The following NAV2 variants were observed in gnomAD, a reference collection of about 807,000 sequenced individuals.
NAV2 encodes the protein neuron navigator 2, also known as helicase, APC down-regulated 1.
In NAV2, 54 loss-of-function variants were observed where a neutral mutation model predicts 223.2. The observed-to-expected ratio is 0.24, with a 90% CI of 0.19 to 0.30. The LOEUF is 0.30. Among genes scored for constraint, NAV2 ranks in the 10% least tolerant of loss-of-function variants. The pLI is 1.00. For missense variants in NAV2, 2,806 were observed against 3,147.5 expected (o/e 0.89, Z 2.60); for synonymous variants, 1,279 against 1,239.3 (o/e 1.03, Z -0.67).
chr11:19,872,298 C>T (rs1015770609), intron 4 of NAV2, among the ~76,000 whole-genome samples: 4 of 152,144 alleles, frequency 2.6e-5, no homozygotes, highest in African/African-American at 9.7e-5. Context: ...CCCCCAGCAA[C>T]CTTATGGGGT....
Position 19,659,873 on chromosome 11 carries a change from TTGTTGTGA to T in NAV2, c.76-172606_76-172599del, listed in dbSNP as rs1466007143. 5.3e-5 allele frequency among the ~76,000 whole-genome samples: 8 copies of T among 152,150 alleles called. No homozygotes were observed. In the East Asian group the frequency reaches 1.5e-3, roughly 29 times the overall value. The stretch of plus-strand genomic sequence containing the variant: ...TCATATTAATTTCTACTTCACAGGG[TTGTTGTGA>T]TGTTTCAATGAGTTACTCTCTATGG... On this transcript the variant is annotated intron_variant, in intron 1 of 37. Coordinates refer to the NAV2 transcript ENST00000360655.
chr11:20,007,620 T>C (rs1369745726), intron 11 of NAV2, among the ~76,000 whole-genome samples: 1 of 152,216 alleles, frequency 6.6e-6, no homozygotes. Context: ...CAGGAGAAGA[T>C]AGATTTGACA....
At chr11:20,009,826 C>T (rs989337933) in intron 11 of NAV2, among the ~76,000 whole-genome samples, 1 of 152,170 alleles carries the variant, frequency 6.6e-6, no homozygotes, top group African/African-American at 2.4e-5. Flanking sequence ...CATCCTCACC[C>T]CATCCCTTCA....
chr11:19,517,801 A>G (rs969030983), intron 1 of NAV2, among the ~76,000 whole-genome samples: 7 of 152,218 alleles, frequency 4.6e-5, no homozygotes, highest in Non-Finnish European at 8.8e-5. Context: ...CAATGGGTAA[A>G]AATAATCTTG....
At chr11:20,088,074 G>T (rs897204172) in intron 26 of NAV2, among the ~76,000 whole-genome samples, 1 of 152,176 alleles carries the variant, frequency 6.6e-6, no homozygotes, top group African/African-American at 2.4e-5. Context: ...AATTATCAGC[G>T]ATACAGCATA....
chr11:19,625,616 G>T (rs1014433597), intron 1 of NAV2, among the ~76,000 whole-genome samples: 2 of 152,126 alleles, frequency 1.3e-5, no homozygotes, highest in African/African-American at 2.4e-5. Context: ...GTAGTTTTTT[G>T]AGGAACTTCC....
intron 1 of NAV2, among the ~76,000 whole-genome samples, chr11:19,821,280 AAAG>A (rs2059368754): frequency 1.3e-5 from 2 of 148,464 alleles, no homozygotes. Flanking sequence ...AAAAAAAAAA[AAAG>A]AGGAAGCTCG....
intron 6 of NAV2, among the ~76,000 whole-genome samples, chr11:19,897,700 A>G (rs888432515): frequency 1.9e-4 from 29 of 151,926 alleles, no homozygotes; most frequent in Non-Finnish European, 4.1e-4. Context: ...AACATAACCT[A>G]CTAGTTTTCC....
At chr11:19,842,607 C>G (rs1286541252) in intron 2 of NAV2, among the ~76,000 whole-genome samples, 1 of 152,136 alleles carries the variant, frequency 6.6e-6, no homozygotes, top group South Asian at 2.1e-4. Context: ...AGCATTTCCA[C>G]GATGCCCCTT....
intron 11 of NAV2, chr11:20,022,748 A>T: frequency 8.2e-6 from 9 of 1,096,188 alleles, no homozygotes; most frequent in Non-Finnish European, 1.0e-5. Context: ...CCGCTGTTGC[A>T]AACTCCCCTG....
chr11:19,819,906 A>G (rs1449070320), intron 1 of NAV2, among the ~76,000 whole-genome samples: 3 of 152,220 alleles, frequency 2.0e-5, no homozygotes, highest in Non-Finnish European at 4.4e-5. Context: ...TATCCCCTCA[A>G]CAATCCTGAG....
At chr11:20,086,511 C>T (rs1396500435) in intron 26 of NAV2, among the ~76,000 whole-genome samples, 3 of 152,178 alleles carry the variant, frequency 2.0e-5, no homozygotes, top group Admixed American at 2.0e-4. Flanking sequence ...TCATTTTTCC[C>T]CATTGCACAT....
chr11:19,768,968 T>G (rs757190905), intron 1 of NAV2, among the ~76,000 whole-genome samples: 4 of 152,168 alleles, frequency 2.6e-5, no homozygotes, highest in Admixed American at 6.5e-5. Context: ...AGCTAATAGG[T>G]CTAAGGCCTA....
intron 1 of NAV2, among the ~76,000 whole-genome samples, chr11:19,610,819 T>C (rs1294963707): frequency 6.6e-6 from 1 of 151,930 alleles, no homozygotes; most frequent in Non-Finnish European, 1.5e-5. Flanking sequence ...GATGGATGGA[T>C]GGATGGATGG....
intron 22 of NAV2, among the ~76,000 whole-genome samples, chr11:20,073,760 T>G (rs2153649175): frequency 1.3e-5 from 2 of 152,330 alleles, no homozygotes; most frequent in Middle Eastern, 6.8e-3. Context: ...TAGTTTGTAT[T>G]TCTGTGGGAT....
chr11:19,950,639 G>A (rs1042859105), intron 10 of NAV2, among the ~76,000 whole-genome samples: 2 of 152,224 alleles, frequency 1.3e-5, no homozygotes, highest in African/African-American at 4.8e-5. Context: ...ACTATCTTGG[G>A]TAGTGAAATC....
At chr11:19,692,215 C>T (rs1046136935) in intron 1 of NAV2, among the ~76,000 whole-genome samples, 4 of 152,214 alleles carry the variant, frequency 2.6e-5, no homozygotes, top group South Asian at 2.1e-4. Flanking sequence ...ACCGGGGTTG[C>T]GGGTGTTGTC....
intron 1 of NAV2, among the ~76,000 whole-genome samples, chr11:19,624,706 G>A (rs913484589): frequency 1.3e-5 from 2 of 152,176 alleles, no homozygotes; most frequent in Non-Finnish European, 2.9e-5. Context: ...TGCTTCCTGG[G>A]TGAGGCGATT....
chr11:20,120,676 A>T lies in NAV2; in HGVS notation c.*2418A>T, dbSNP rs2063430023. 1 of 152,566 alleles carries T rather than the reference A, an allele frequency of 6.6e-6. No individual in the cohort carries two copies. Among genetic ancestry groups the T allele is most frequent in the African/African-American group, 2.4e-5 (1 of 41,440 alleles). The allele number at this position is 152,566 out of a possible 1,614,324, so 9.5% of individuals were successfully genotyped here. On this transcript the variant is annotated 3_prime_UTR_variant, in exon 38 of 38. Transcript: ENST00000349880. ...CCCTCCTGGGTCCAGGTTCAGAACC[A>T]AGACTTCTGTACCTAGTGCTGCCTG...
Sources: allele counts gnomAD v4.1 joint callset (sites outside exome capture counted in the v4.1 genomes callset), GRCh38; gene constraint gnomAD v4.1.1; transcripts MANE v1.5; gene names NCBI Gene and HGNC (gene_info 2026-07-23, HGNC 2026-07-21).